PM20D1: variants seen among roughly 807,000 people sequenced by gnomAD.
PM20D1 encodes the protein N-fatty-acyl-amino acid synthase/hydrolase PM20D1.
PM20D1 carries 53 observed loss-of-function variants against 53.8 expected under a neutral mutation model. That is an observed-to-expected ratio of 0.98 (90% CI 0.79 to 1.24). PM20D1 has a LOEUF of 1.24. Ranked by LOEUF, PM20D1 falls within the 50% of genes most tolerant of loss-of-function variation. The pLI is 0.00. For missense variants in PM20D1, 564 were observed against 616.8 expected, an observed-to-expected ratio of 0.91 and a Z score of 0.91; for synonymous variants, 239 against 241.3, an observed-to-expected ratio of 0.99 and a Z score of 0.09.
chr1:205,833,797 G>A (rs1210427091), intron 10 of PM20D1, among the ~76,000 whole-genome samples: 13 of 152,068 alleles, frequency 8.5e-5, no homozygotes, highest in Admixed American at 7.9e-4. Flanking sequence ...AGAAAGGGGG[G>A]GTTGTCCCAT....
Position 205,832,579 on chromosome 1 carries a change from C to T in PM20D1, c.1285+19G>A. The T allele has an allele frequency of 1.2e-6, 2 of 1,613,634 alleles. No homozygotes were observed. The highest frequency in any genetic ancestry group is 2.2e-5 in the South Asian group (2 of 91,040). On this transcript the variant is annotated intron_variant, in intron 11 of 12. Transcript: ENST00000367136. The stretch of plus-strand genomic sequence containing the variant: ...TCCAGCCCCCTCCTCCCTCCAGCCA[C>T]AGCTGATGAAGTCATTACCTGGGGC...
intron 10 of PM20D1, among the ~76,000 whole-genome samples, chr1:205,839,689 C>G (rs988454892): frequency 6.6e-6 from 1 of 151,766 alleles, no homozygotes; most frequent in Admixed American, 6.6e-5. Flanking sequence ...ACTAAAAATA[C>G]AAAATACAAA....
chr1:205,841,780 A>G, intron 9 of PM20D1, 31 bp downstream of exon 9: 1 of 1,540,616 alleles, frequency 6.5e-7, no homozygotes, highest in South Asian at 1.2e-5. Context: ...CGGTAGGGAA[A>G]AGCTATATGG....
chr1:205,837,936 A>G (rs1388328976), intron 10 of PM20D1, among the ~76,000 whole-genome samples: 2 of 152,098 alleles, frequency 1.3e-5, no homozygotes, highest in African/African-American at 4.8e-5. Flanking sequence ...GAGAGGACAA[A>G]GGTTGGCACC....
At chr1:205,839,223 A>G (rs963347950) in intron 10 of PM20D1, among the ~76,000 whole-genome samples, 14 of 152,180 alleles carry the variant, frequency 9.2e-5, no homozygotes, top group African/African-American at 2.7e-4. Context: ...TTAAGCCACA[A>G]TGAATGTCTT....
rs934616543 is a variant in PM20D1, at chr1:205,849,925, C to G, written c.148G>C (p.Ala50Pro). Residue 50 changes from alanine to proline, a missense_variant, in exon 1 of 13, where the codon GCG becomes CCG. Ala to Pro is a conservative substitution (Grantham distance 27, BLOSUM62 -1). Coordinates refer to ENST00000367136, the MANE Select transcript of PM20D1 (RefSeq NM_152491.5). ...PSQFSKEERV[A>P]MKEALKGAIQ... ...TCACCTTTCAGCGCCTCTTTCATCG[C>G]GACGCGTTCCTCTTTGCTGAACTGA... The G allele has an allele frequency of 1.9e-6, 3 of 1,612,826 alleles. No homozygotes were observed. Among genetic ancestry groups the G allele is most frequent in the Admixed American group, 1.7e-5 (1 of 59,962 alleles).
At chr1:205,845,627 GC>G (rs1339294266) in intron 2 of PM20D1, 70 bp from the exon 3 acceptor site, 11 of 1,323,642 alleles carry the variant, frequency 8.3e-6, no homozygotes, top group African/African-American at 1.5e-5. Flanking sequence ...ACCAAGTTGT[GC>G]TTCCTGTTCC....
chr1:205,828,832 T>C (rs1338291225), intron 12 of PM20D1, 89 bp from the exon 13 acceptor site: 4 of 1,516,156 alleles, frequency 2.6e-6, no homozygotes, highest in Non-Finnish European at 3.6e-6. Context: ...CTTACTTCCC[T>C]CACCAACCCG....
At chr1:205,840,412 G>A (rs1410058902) in intron 9 of PM20D1, 89 bp from the exon 10 acceptor site, 5 of 1,217,436 alleles carry the variant, frequency 4.1e-6, no homozygotes, top group South Asian at 1.5e-5. Context: ...CCTCAGCTCA[G>A]GCAGAGTTGG....
chr1:205,842,812 A>G (rs1656846221), intron 6 of PM20D1, 61 bp from the exon 7 acceptor site: 3 of 1,502,950 alleles, frequency 2.0e-6, no homozygotes, highest in Non-Finnish European at 2.8e-6. Flanking sequence ...AGTGGCTTGA[A>G]GAGGAGAAGA....
rs1394141194 is a variant in PM20D1 at position 205,828,560 on chromosome 1, C to G, written c.*60G>C. 6.3e-7 allele frequency: 1 copy of G among 1,597,210 alleles called. No homozygotes were observed. Among genetic ancestry groups the G allele is most frequent in the Non-Finnish European group, 8.5e-7 (1 of 1,172,656 alleles). On this transcript the variant is annotated 3_prime_UTR_variant, in exon 13 of 13. Coordinates refer to ENST00000367136, the MANE Select transcript of PM20D1 (RefSeq NM_152491.5). Reference sequence around the variant, plus strand: ...CAAAAGTTTCATCAACACTAGCTTTCCCCCTTGGGTTAGTCCTGTCCCGGG... The same window carrying G: ...CAAAAGTTTCATCAACACTAGCTTTGCCCCTTGGGTTAGTCCTGTCCCGGG...
At position 205,844,905 on chromosome 1, in the gene PM20D1, T is replaced by C. The variant is rs780597050; in HGVS notation, c.490-8A>G. 1 of 1,611,848 alleles carries C rather than the reference T, an allele frequency of 6.2e-7. No homozygotes were observed. The highest frequency in any genetic ancestry group is 1.1e-5 in the South Asian group (1 of 91,022). Reference sequence around the variant, plus strand: ...CAAGGCCTGCAGTAATGCCTGGGGTTCAGAAGCACAATGGAAGAGGAAAAA... The same window carrying C: ...CAAGGCCTGCAGTAATGCCTGGGGTCCAGAAGCACAATGGAAGAGGAAAAA... On this transcript the variant is annotated splice_polypyrimidine_tract_variant and splice_region_variant and intron_variant, in intron 3 of 12. Coordinates refer to ENST00000367136, the MANE Select transcript of PM20D1 (RefSeq NM_152491.5).
chr1:205,842,581 G>C, intron 7 of PM20D1, 95 bp downstream of exon 7: 1 of 1,228,166 alleles, frequency 8.1e-7, no homozygotes, highest in South Asian at 1.2e-5. Context: ...CAGAGTGCTG[G>C]ACAGTACTAG....
At chr1:205,849,829 G>A (rs961306093) in intron 1 of PM20D1, 75 bp downstream of exon 1, 34 of 1,507,704 alleles carry the variant, frequency 2.3e-5, no homozygotes, top group Admixed American at 1.8e-4. Context: ...CGGCGGAAGC[G>A]GGGAGTCACG....
chr1:205,849,785 T>C (rs1558096493), intron 1 of PM20D1, 119 bp downstream of exon 1: 1 of 1,321,464 alleles, frequency 7.6e-7, no homozygotes, highest in East Asian at 2.5e-5. Flanking sequence ...CTGGGGTGCG[T>C]GTCGGGGCTC....
At chr1:205,847,808 C>A in intron 2 of PM20D1, 77 bp downstream of exon 2, 1 of 911,810 alleles carries the variant, frequency 1.1e-6, no homozygotes, top group Non-Finnish European at 1.8e-6. Context: ...AAATAAACTT[C>A]TTTATCACTT....
At chr1:205,844,947 G>A (rs1476434970) in intron 3 of PM20D1, 50 bp from the exon 4 acceptor site, 1 of 1,491,806 alleles carries the variant, frequency 6.7e-7, no homozygotes, top group Non-Finnish European at 9.3e-7. Flanking sequence ...ATTTAGGTGG[G>A]AATACCAGGG....
intron 11 of PM20D1, 52 bp from the exon 12 acceptor site, chr1:205,830,431 G>A (rs1617278): frequency 7.4e-7 from 1 of 1,348,458 alleles, no homozygotes; most frequent in Non-Finnish European, 1.1e-6. Flanking sequence ...AATCAAACCA[G>A]CGAAGTGGCT....
rs1002701347 is a variant in PM20D1, at chr1:205,840,853, G to C, written c.1045-530C>G. ...GTCAGGCAGGAACAAAAGAGTGACA[G>C]AAAAGTAACCTTCAGAGTAAGAAAA... On this transcript the variant is annotated intron_variant, in intron 9 of 12. Transcript: ENST00000367136. Among the ~76,000 whole-genome samples, 8 of 152,202 alleles carry C rather than the reference G, an allele frequency of 5.3e-5. No homozygotes were observed. The East Asian group carries it at 1.2e-3, about 22-fold the overall frequency.
Sources: gnomAD v4.1 joint callset for allele counts (sites outside exome capture counted in the v4.1 genomes callset) on GRCh38, gnomAD v4.1.1 for gene constraint, MANE v1.5 for transcripts, NCBI Gene and HGNC (gene_info 2026-07-23, HGNC 2026-07-21) for gene names.